SLC41A2: variants seen among roughly 807,000 people sequenced by gnomAD.
SLC41A2 encodes solute carrier family 41 member 2.
A neutral mutation model predicts 58.3 loss-of-function variants in SLC41A2; 32 were observed. That is an observed-to-expected ratio of 0.55 (90% CI 0.41 to 0.74). SLC41A2 has a LOEUF of 0.74. SLC41A2 is among the 30% of genes least tolerant of loss of function. The pLI is 0.00. For synonymous variants in SLC41A2, 190 were observed against 235.0 expected (o/e 0.81, Z 1.75); for missense variants, 514 against 680.6 (o/e 0.76, Z 2.72).
At chr12:104,883,683 T>C (rs2044504578) in intron 6 of SLC41A2, among the ~76,000 whole-genome samples, 1 of 152,170 alleles carries the variant, frequency 6.6e-6, no homozygotes, top group Non-Finnish European at 1.5e-5. Flanking sequence ...CAACAGCAAA[T>C]GTTGCTGCCT....
rs574656773 is a variant in SLC41A2 at position 104,939,617 on chromosome 12, T to C, written c.-167-10923A>G. On this transcript the variant is annotated intron_variant, in intron 1 of 10. Transcript: ENST00000258538. ...TATCGTACTGAAAGAGGCATTCTGT[T>C]CCATTGCAAAAGTTAAATAACAATG... Among the ~76,000 whole-genome samples, 3 of 152,344 alleles carry C rather than the reference T, an allele frequency of 2.0e-5. No homozygotes were observed. In the South Asian group the frequency reaches 6.2e-4, roughly 32 times the overall value.
intron 1 of SLC41A2, among the ~76,000 whole-genome samples, chr12:104,946,255 G>C (rs912005462): frequency 6.6e-6 from 1 of 151,892 alleles, no homozygotes; most frequent in African/African-American, 2.4e-5. Context: ...TTTCAATCAG[G>C]CACTTTCTTT....
intron 2 of SLC41A2, among the ~76,000 whole-genome samples, chr12:104,915,367 C>A (rs189350319): frequency 1.1e-3 from 173 of 152,280 alleles, no homozygotes; most frequent in African/African-American, 3.8e-3. Flanking sequence ...GCAGTATGGC[C>A]ATTTTCACGA....
At chr12:104,816,433 C>T (rs1323341300) in intron 10 of SLC41A2, among the ~76,000 whole-genome samples, 1 of 152,094 alleles carries the variant, frequency 6.6e-6, no homozygotes, top group East Asian at 1.9e-4. Flanking sequence ...AAACAGCATG[C>T]CAGGGTAAGA....
intron 6 of SLC41A2, among the ~76,000 whole-genome samples, chr12:104,876,926 T>C (rs957039705): frequency 3.4e-4 from 51 of 152,192 alleles, no homozygotes; most frequent in Non-Finnish European, 1.8e-4. Flanking sequence ...CCCCTTCATA[T>C]CTGTTAACAA....
intron 1 of SLC41A2, among the ~76,000 whole-genome samples, chr12:104,956,116 T>C (rs1467480123): frequency 6.6e-6 from 1 of 152,154 alleles, no homozygotes; most frequent in Non-Finnish European, 1.5e-5. Context: ...CAATTAAGGG[T>C]GGTCTCTCTT....
intron 2 of SLC41A2, among the ~76,000 whole-genome samples, chr12:104,911,882 T>A (rs2046103525): frequency 6.6e-6 from 1 of 152,222 alleles, no homozygotes; most frequent in Non-Finnish European, 1.5e-5. Context: ...AACGATTTTG[T>A]CCATGTTTTA....
Position 104,804,846 on chromosome 12 carries a change from T to C in SLC41A2, c.*306A>G. On this transcript the variant is annotated 3_prime_UTR_variant, in exon 11 of 11. Coordinates refer to ENST00000258538, the MANE Select transcript of SLC41A2 (RefSeq NM_001352171.3). Reference sequence around the variant, plus strand: ...ATAATAAAGTACATTTCTGCTATGTTTGTGGTTTTAAAATTATTCACTGTA... The same window carrying C: ...ATAATAAAGTACATTTCTGCTATGTCTGTGGTTTTAAAATTATTCACTGTA... The C allele has an allele frequency of 5.5e-6, 1 of 183,366 alleles. No individual in the cohort carries two copies. Among genetic ancestry groups the C allele is most frequent in the Non-Finnish European group, 1.1e-5 (1 of 88,280 alleles). The allele number at this position is 183,366 out of a possible 1,614,324, so 11.4% of individuals were successfully genotyped here. A position where few individuals can be genotyped will look rare whatever the true frequency, so the allele number is the denominator to read the frequency against.
chr12:104,825,789 G>A (rs2041821627), intron 10 of SLC41A2, among the ~76,000 whole-genome samples: 1 of 152,174 alleles, frequency 6.6e-6, no homozygotes, highest in Non-Finnish European at 1.5e-5. Context: ...AATGTAAATG[G>A]GCAGGACCAA....
At chr12:104,806,081 T>G (rs575379384) in intron 10 of SLC41A2, among the ~76,000 whole-genome samples, 9 of 152,136 alleles carry the variant, frequency 5.9e-5, no homozygotes, top group African/African-American at 2.2e-4. Flanking sequence ...TTTTTTACTA[T>G]ACTTTAAGTT....
intron 2 of SLC41A2, among the ~76,000 whole-genome samples, chr12:104,924,515 C>T (rs1278479546): frequency 6.6e-6 from 1 of 152,224 alleles, no homozygotes; most frequent in Non-Finnish European, 1.5e-5. Flanking sequence ...GAGGCTGAGG[C>T]AGGCGGATCA....
At chr12:104,932,365 C>T (rs550774096) in intron 1 of SLC41A2, among the ~76,000 whole-genome samples, 13 of 152,032 alleles carry the variant, frequency 8.6e-5, no homozygotes, top group Non-Finnish European at 1.9e-4. Flanking sequence ...GTGGCTCATG[C>T]CTGCAATCAC....
chr12:104,877,327 C>T (rs1327520337), intron 6 of SLC41A2, among the ~76,000 whole-genome samples: 1 of 152,136 alleles, frequency 6.6e-6, no homozygotes, highest in Non-Finnish European at 1.5e-5. Context: ...GACACTTTAG[C>T]AATCTGAACA....
At chr12:104,845,752 C>A (rs549215343) in intron 9 of SLC41A2, 91 bp downstream of exon 9, 2 of 1,349,642 alleles carry the variant, frequency 1.5e-6, no homozygotes, top group East Asian at 2.5e-5. Context: ...GCAACTTTCA[C>A]AAAACACATA....
At chr12:104,878,099 T>C (rs1482763305) in intron 6 of SLC41A2, among the ~76,000 whole-genome samples, 1 of 151,908 alleles carries the variant, frequency 6.6e-6, no homozygotes, top group Non-Finnish European at 1.5e-5. Context: ...TTCTGGAATC[T>C]CATAGTACTT....
chr12:104,826,008 G>C (rs1335785809), intron 10 of SLC41A2, among the ~76,000 whole-genome samples: 2 of 152,192 alleles, frequency 1.3e-5, no homozygotes, highest in South Asian at 4.1e-4. Flanking sequence ...AGGGCTCAGG[G>C]ATAAGAGGTA....
At chr12:104,905,321 G>A (rs1055564031) in intron 3 of SLC41A2, among the ~76,000 whole-genome samples, 21 of 151,560 alleles carry the variant, frequency 1.4e-4, no homozygotes, top group African/African-American at 4.6e-4. Flanking sequence ...AGCTAGATAC[G>A]GAGTGTCGAT....
intron 6 of SLC41A2, among the ~76,000 whole-genome samples, chr12:104,874,903 A>G (rs1409628873): frequency 1.3e-5 from 2 of 152,330 alleles, no homozygotes; most frequent in Non-Finnish European, 2.9e-5. Context: ...TTTGATAGGA[A>G]TTGCACTGAA....
chr12:104,954,053 T>C (rs1470754399), intron 1 of SLC41A2, among the ~76,000 whole-genome samples: 1 of 152,208 alleles, frequency 6.6e-6, no homozygotes, highest in Non-Finnish European at 1.5e-5. Context: ...TTCTTGCTTT[T>C]CTTTTCTCAT....
Sources: allele counts gnomAD v4.1 joint callset (sites outside exome capture counted in the v4.1 genomes callset), GRCh38; gene constraint gnomAD v4.1.1; transcripts MANE v1.5; gene names NCBI Gene and HGNC (gene_info 2026-07-23, HGNC 2026-07-21).